ARHGEF10: variants seen among roughly 807,000 people sequenced by gnomAD.
ARHGEF10 encodes Rho guanine nucleotide exchange factor (GEF) 10.
A neutral mutation model predicts 147.4 loss-of-function variants in ARHGEF10; 140 were observed. The observed-to-expected ratio is 0.95, with a 90% CI of 0.83 to 1.09. ARHGEF10 has a LOEUF of 1.09. Among genes scored for constraint, ARHGEF10 ranks in the 50% least tolerant of loss-of-function variants. The pLI is 0.00. For missense variants in ARHGEF10, 2,222 were observed against 1,752.7 expected, an observed-to-expected ratio of 1.27 and a Z score of -4.78; for synonymous variants, 902 against 695.8, an observed-to-expected ratio of 1.30 and a Z score of -4.67.
chr8:1,891,378 A>T (rs565667307), intron 11 of ARHGEF10, among the ~76,000 whole-genome samples: 1 of 152,352 alleles, frequency 6.6e-6, no homozygotes, highest in Non-Finnish European at 1.5e-5. Flanking sequence ...AAAATGCTGT[A>T]TATTAAACAT....
At chr8:1,865,439 G>T (rs562042560) in intron 5 of ARHGEF10, among the ~76,000 whole-genome samples, 1 of 151,158 alleles carries the variant, frequency 6.6e-6, no homozygotes, top group Non-Finnish European at 1.5e-5. Flanking sequence ...CACCCAGGGG[G>T]CCATCACCAG....
In ARHGEF10 at chr8:1,928,724, G is replaced by A. The variant is rs561969077; in HGVS notation, c.2921+74G>A. ...GAGGGCGTGGTGGGGAGCCTGTCCT[G>A]GAAAGAGTCCTTGACTTTGACTCAG... On this transcript the variant is annotated intron_variant, in intron 24 of 28. Coordinates refer to ENST00000349830, the MANE Select transcript of ARHGEF10 (RefSeq NM_014629.4). The A allele has an allele frequency of 5.1e-5, 78 of 1,531,462 alleles. No homozygotes were observed. In the East Asian group the frequency reaches 1.7e-3, roughly 34 times the overall value. The allele number at this position is 1,531,462 out of a possible 1,614,324, so 94.9% of individuals were successfully genotyped here. A position where few individuals can be genotyped will look rare whatever the true frequency, so the allele number is the denominator to read the frequency against.
intron 3 of ARHGEF10, 80 bp downstream of exon 3, chr8:1,858,195 A>C (rs147384188): frequency 0.017 from 17,004 of 1,020,606 alleles, 46 homozygotes; most frequent in Non-Finnish European, 0.019. Context: ...CATGTGAGTC[A>C]CCAGGTGAGT....
intron 1 of ARHGEF10, among the ~76,000 whole-genome samples, chr8:1,837,027 A>G (rs564525437): frequency 6.6e-6 from 1 of 152,354 alleles, no homozygotes; most frequent in South Asian, 2.1e-4. Context: ...TTCCAGTCTC[A>G]GATACATCTT....
chr8:1,842,568 G>C (rs142665269), intron 1 of ARHGEF10, among the ~76,000 whole-genome samples: 1 of 152,224 alleles, frequency 6.6e-6, no homozygotes, highest in Admixed American at 6.5e-5. Context: ...CTGATGCGGC[G>C]AGGGCCTGGA....
chr8:1,906,052 T>C (rs192934775), intron 17 of ARHGEF10, among the ~76,000 whole-genome samples: 190 of 152,350 alleles, frequency 1.2e-3, no homozygotes, highest in African/African-American at 4.4e-3. Context: ...CTTTACCTGC[T>C]TCTCTATAAA....
chr8:1,934,018 G>A, intron 26 of ARHGEF10, 76 bp downstream of exon 26: 4 of 1,599,706 alleles, frequency 2.5e-6, no homozygotes. Flanking sequence ...TGGTGCCGAA[G>A]TCAAGGCTTC....
At chr8:1,837,674 G>T (rs926609597) in intron 1 of ARHGEF10, among the ~76,000 whole-genome samples, 24 of 152,184 alleles carry the variant, frequency 1.6e-4, no homozygotes, top group Non-Finnish European at 3.2e-4. Context: ...GGGCGGGAAG[G>T]GGGAAGAGTG....
At chr8:1,870,472 G>T (rs909480198) in intron 7 of ARHGEF10, 22 of 152,210 alleles carry the variant, frequency 1.4e-4, no homozygotes, top group African/African-American at 2.6e-4. Flanking sequence ...GCCAGTAAAA[G>T]AAATCCTCAG....
chr8:1,933,666 C>A (rs552524551), intron 25 of ARHGEF10, 134 bp from the exon 26 acceptor site: 1 of 1,188,688 alleles, frequency 8.4e-7, no homozygotes, highest in African/African-American at 1.5e-5. Context: ...CAGACACAGC[C>A]AGGATCAGGC....
intron 27 of ARHGEF10, among the ~76,000 whole-genome samples, chr8:1,951,271 G>C (rs1029688275): frequency 5.3e-5 from 8 of 152,220 alleles, no homozygotes; most frequent in African/African-American, 1.7e-4. Flanking sequence ...TGGGAATCGC[G>C]TACCCTGCGT....
At chr8:1,877,562 C>CT (rs1807813654) in intron 8 of ARHGEF10, among the ~76,000 whole-genome samples, 3 of 152,128 alleles carry the variant, frequency 2.0e-5, no homozygotes, top group Admixed American at 6.5e-5. Flanking sequence ...TTTTATTTTA[C>CT]TTTTTTTGTG....
At chr8:1,913,594 G>T (rs117430735) in intron 18 of ARHGEF10, among the ~76,000 whole-genome samples, 1 of 152,184 alleles carries the variant, frequency 6.6e-6, no homozygotes, top group African/African-American at 2.4e-5. Context: ...TATTGGACCA[G>T]CATCTACCTG....
At chr8:1,901,077 G>GA (rs1398983749) in intron 15 of ARHGEF10, among the ~76,000 whole-genome samples, 1 of 152,156 alleles carries the variant, frequency 6.6e-6, no homozygotes, top group East Asian at 1.9e-4. Flanking sequence ...GGCAGAGTTG[G>GA]AAACAAGGTG....
chr8:1,893,092 C>CAAAAAA (rs34033686), intron 11 of ARHGEF10, among the ~76,000 whole-genome samples: 5 of 76,854 alleles, frequency 6.5e-5, no homozygotes, highest in African/African-American at 2.2e-4. Context: ...AAGATCTTTG[C>CAAAAAA]AAAAAAAAAA....
chr8:1,896,849 C>T (rs1810015528), intron 14 of ARHGEF10, among the ~76,000 whole-genome samples: 1 of 152,176 alleles, frequency 6.6e-6, no homozygotes, highest in South Asian at 2.1e-4. Flanking sequence ...TGGAGCGGGC[C>T]CTACCCGAGG....
chr8:1,957,177 C>CG lies in ARHGEF10; in HGVS notation c.3952dup (p.Val1318GlyfsTer63). 1 of 1,612,580 alleles carries CG rather than the reference C, an allele frequency of 6.2e-7. No individual in the cohort carries two copies. Among genetic ancestry groups the CG allele is most frequent in the Non-Finnish European group, 8.5e-7 (1 of 1,180,002 alleles). On this transcript the variant is annotated frameshift_variant, in exon 29 of 29. Transcript: ENST00000349830. LOFTEE classifies it high-confidence loss of function. ...GGTCTGTGGAGGGCAGGGCCACCGC[C>CG]GGGTGCACAGGAAGGCCCGGCAGCC...
intron 2 of ARHGEF10, among the ~76,000 whole-genome samples, chr8:1,854,000 C>T (rs1457373587): frequency 3.9e-5 from 6 of 152,222 alleles, no homozygotes; most frequent in Non-Finnish European, 7.3e-5. Context: ...GTGAGGATTT[C>T]AGCACAGGGA....
At chr8:1,935,348 G>A (rs1033317306) in intron 26 of ARHGEF10, among the ~76,000 whole-genome samples, 3 of 152,112 alleles carry the variant, frequency 2.0e-5, no homozygotes, top group Non-Finnish European at 4.4e-5. Flanking sequence ...TACTCTTGGT[G>A]CCGTGCTTCT....
Sources: gnomAD v4.1 joint callset for allele counts (sites outside exome capture counted in the v4.1 genomes callset) on GRCh38, gnomAD v4.1.1 for gene constraint, MANE v1.5 for transcripts, NCBI Gene and HGNC (gene_info 2026-07-23, HGNC 2026-07-21) for gene names.